The following LRP1B variants were observed in gnomAD, a reference collection of about 807,000 sequenced individuals.
LRP1B encodes the protein low-density lipoprotein receptor-related protein 1B.
In LRP1B, 217 loss-of-function variants were observed where a neutral mutation model predicts 556.6. The observed-to-expected ratio is 0.39, with a 90% CI of 0.35 to 0.44. The LOEUF (loss-of-function observed/expected upper bound fraction) is 0.44, where lower values mean the gene tolerates loss of function less well. Ranked by LOEUF, LRP1B falls within the 20% of genes least tolerant of loss-of-function variation. LRP1B has a pLI of 1.00. For synonymous variants in LRP1B, 2,047 were observed against 1,865.8 expected (o/e 1.10, Z -2.50); for missense variants, 5,053 against 5,620.8 (o/e 0.90, Z 3.23).
At chr2:141,208,633 G>A (rs1188471338) in intron 6 of LRP1B, among the ~76,000 whole-genome samples, 2 of 151,876 alleles carry the variant, frequency 1.3e-5, no homozygotes, top group African/African-American at 2.4e-5. Flanking sequence ...TCTGGGAGGC[G>A]GAGGCAGGTA....
chr2:140,424,600 A>T (rs1438646770), intron 66 of LRP1B, among the ~76,000 whole-genome samples: 1 of 152,198 alleles, frequency 6.6e-6, no homozygotes, highest in South Asian at 2.1e-4. Flanking sequence ...ATAATCTTGG[A>T]ATGTTGCAGG....
intron 2 of LRP1B, among the ~76,000 whole-genome samples, chr2:141,751,786 A>T (rs1694123746): frequency 6.6e-6 from 1 of 151,596 alleles, no homozygotes; most frequent in East Asian, 1.9e-4. Context: ...GCTAGAAAGC[A>T]TCTAAGCATG....
chr2:141,844,404 GT>G (rs1163686062), intron 1 of LRP1B, among the ~76,000 whole-genome samples: 1 of 152,024 alleles, frequency 6.6e-6, no homozygotes, highest in Non-Finnish European at 1.5e-5. Flanking sequence ...CCATAACTTT[GT>G]TACATAACTA....
chr2:141,794,428 C>T (rs373264060), intron 2 of LRP1B, among the ~76,000 whole-genome samples: 20 of 151,912 alleles, frequency 1.3e-4, no homozygotes, highest in East Asian at 9.7e-4. Flanking sequence ...TGCTGTCAGA[C>T]CTGATTAAAA....
At chr2:141,244,953 A>T (rs1344428838) in intron 5 of LRP1B, among the ~76,000 whole-genome samples, 3 of 152,164 alleles carry the variant, frequency 2.0e-5, no homozygotes, top group Non-Finnish European at 4.4e-5. Flanking sequence ...TAGAGTCATC[A>T]AACTTCCTTG....
At chr2:141,052,835 G>T (rs1048626511) in intron 10 of LRP1B, among the ~76,000 whole-genome samples, 3 of 151,808 alleles carry the variant, frequency 2.0e-5, no homozygotes, top group African/African-American at 7.3e-5. Context: ...ACTAGGTTTT[G>T]CAATGTTGCC....
At chr2:141,195,980 G>A (rs1056844279) in intron 6 of LRP1B, among the ~76,000 whole-genome samples, 1 of 152,002 alleles carries the variant, frequency 6.6e-6, no homozygotes, top group African/African-American at 2.4e-5. Flanking sequence ...AAGAAGAACT[G>A]AGCTTGGCAT....
intron 2 of LRP1B, among the ~76,000 whole-genome samples, chr2:141,797,967 A>G (rs1695877677): frequency 6.6e-6 from 1 of 152,222 alleles, no homozygotes; most frequent in African/African-American, 2.4e-5. Context: ...TAGGCAATGC[A>G]TTATCCTTGG....
intron 43 of LRP1B, among the ~76,000 whole-genome samples, chr2:140,578,460 TCTC>T (rs1179721565): frequency 6.6e-6 from 1 of 152,162 alleles, no homozygotes; most frequent in Non-Finnish European, 1.5e-5. Context: ...TCCTTTTACT[TCTC>T]CTCCAGCCAC....
chr2:141,868,177 C>T (rs1698475002), intron 1 of LRP1B, among the ~76,000 whole-genome samples: 1 of 152,076 alleles, frequency 6.6e-6, no homozygotes, highest in Non-Finnish European at 1.5e-5. Flanking sequence ...GTTTTGGTAA[C>T]TACCGCAAAA....
At chr2:140,713,759 T>A (rs1687119126) in intron 37 of LRP1B, among the ~76,000 whole-genome samples, 1 of 152,084 alleles carries the variant, frequency 6.6e-6, no homozygotes, top group Admixed American at 6.6e-5. Context: ...GGCTTTTGCT[T>A]TGTCACTACC....
intron 7 of LRP1B, among the ~76,000 whole-genome samples, chr2:141,177,975 A>G (rs1475738499): frequency 6.6e-6 from 1 of 152,164 alleles, no homozygotes; most frequent in Non-Finnish European, 1.5e-5. Flanking sequence ...AAGTGCAAAG[A>G]AACAAATTGA....
At chr2:140,295,388 G>A (rs887189716) in intron 84 of LRP1B, among the ~76,000 whole-genome samples, 7 of 152,154 alleles carry the variant, frequency 4.6e-5, no homozygotes, top group African/African-American at 1.7e-4. Flanking sequence ...TACTTTAAAT[G>A]TTTTCTTGCT....
At chr2:141,135,963 AT>A (rs5834812) in intron 7 of LRP1B, among the ~76,000 whole-genome samples, 5,287 of 128,554 alleles carry the variant, frequency 0.041, 143 homozygotes, top group East Asian at 0.17. Flanking sequence ...TGATTTCTGA[AT>A]TATGTTTGCA....
intron 2 of LRP1B, among the ~76,000 whole-genome samples, chr2:141,723,240 G>T (rs1037698438): frequency 1.3e-5 from 2 of 148,398 alleles, no homozygotes; most frequent in Admixed American, 6.8e-5. Context: ...CTTTTCATAG[G>T]CTTTCTCATA....
chr2:141,184,011 G>A (rs1249972542), intron 7 of LRP1B, among the ~76,000 whole-genome samples: 1 of 151,926 alleles, frequency 6.6e-6, no homozygotes, highest in East Asian at 1.9e-4. Context: ...TACTTTAATA[G>A]AAAACTGAGG....
At chr2:140,316,404 TATC>T (rs1684520885) in intron 82 of LRP1B, among the ~76,000 whole-genome samples, 1 of 152,146 alleles carries the variant, frequency 6.6e-6, no homozygotes, top group African/African-American at 2.4e-5. Flanking sequence ...ATGATTCAAG[TATC>T]ATGTCCACTG....
intron 35 of LRP1B, among the ~76,000 whole-genome samples, chr2:140,758,638 T>G (rs1173129585): frequency 6.6e-6 from 1 of 152,064 alleles, no homozygotes; most frequent in Non-Finnish European, 1.5e-5. Flanking sequence ...TAACAGGGTT[T>G]TAAATGAACA....
At chr2:140,786,701 A>G (rs1333750434) in intron 32 of LRP1B, among the ~76,000 whole-genome samples, 1 of 152,092 alleles carries the variant, frequency 6.6e-6, no homozygotes, top group Non-Finnish European at 1.5e-5. Flanking sequence ...AGCCTTTGTG[A>G]CCTTGAACTG....
Sources: allele counts gnomAD v4.1 joint callset (sites outside exome capture counted in the v4.1 genomes callset), GRCh38; gene constraint gnomAD v4.1.1; transcripts MANE v1.5; gene names NCBI Gene and HGNC (gene_info 2026-07-23, HGNC 2026-07-21).